The following EIF4G3 variants were observed in gnomAD, a reference collection of about 807,000 sequenced individuals.
EIF4G3 encodes the protein eIF-4-gamma 3.
A neutral mutation model predicts 186.4 loss-of-function variants in EIF4G3; 34 were observed. That is an observed-to-expected ratio of 0.18 (90% CI 0.14 to 0.24). The LOEUF is 0.24. Among genes scored for constraint, EIF4G3 ranks in the 10% least tolerant of loss-of-function variants. The pLI is 1.00. For synonymous variants in EIF4G3, 673 were observed against 679.5 expected (o/e 0.99, Z 0.15); for missense variants, 1,536 against 1,948.5 (o/e 0.79, Z 3.99).
chr1:21,001,799 T>C (rs1050647857), intron 5 of EIF4G3, among the ~76,000 whole-genome samples: 4 of 152,196 alleles, frequency 2.6e-5, no homozygotes, highest in Admixed American at 2.6e-4. Context: ...CTCTCCTAGT[T>C]CTTTAAGTAA....
intron 3 of EIF4G3, among the ~76,000 whole-genome samples, chr1:21,066,361 G>T (rs2095242788): frequency 6.6e-6 from 1 of 150,726 alleles, no homozygotes; most frequent in Admixed American, 6.6e-5. Flanking sequence ...AATGCTTATT[G>T]AACAAAGAAT....
intron 34 of EIF4G3, among the ~76,000 whole-genome samples, chr1:20,814,846 G>A (rs1278684102): frequency 3.5e-5 from 4 of 113,106 alleles, no homozygotes; most frequent in Non-Finnish European, 5.3e-5. Context: ...AAAGCTGGAC[G>A]GTACTGCTGC....
chr1:21,073,264 A>G (rs1355711562), intron 3 of EIF4G3, among the ~76,000 whole-genome samples: 4 of 152,220 alleles, frequency 2.6e-5, no homozygotes, highest in Non-Finnish European at 5.9e-5. Flanking sequence ...ATCTTACAAA[A>G]TTACATGACC....
chr1:20,972,005 C>T lies in EIF4G3; in HGVS notation c.591+997G>A, dbSNP rs114973701. Among the ~76,000 whole-genome samples, 915 of 152,176 alleles carry T rather than the reference C, an allele frequency of 6.0e-3. 3 individuals carry two copies. Among genetic ancestry groups the T allele is most frequent in the Non-Finnish European group, 0.011 (716 of 68,006 alleles). Reference sequence around the variant, plus strand: ...TATAAATCACCCCACCTATCTTACTCGTGTGAATGTGGGAGTCTCTCTTGA... The same window carrying T: ...TATAAATCACCCCACCTATCTTACTTGTGTGAATGTGGGAGTCTCTCTTGA... On this transcript the variant is annotated intron_variant, in intron 11 of 36. Coordinates refer to ENST00000602326, the MANE Select transcript of EIF4G3 (RefSeq NM_001391906.1).
chr1:20,813,386 G>C, intron 34 of EIF4G3, 147 bp from the exon 35 acceptor site: 93 of 140,984 alleles, frequency 6.6e-4, no homozygotes, highest in East Asian at 3.8e-3. Context: ...AATATAGTAA[G>C]ACCCTATCTC....
chr1:20,924,862 G>A (rs1016850375), intron 14 of EIF4G3, among the ~76,000 whole-genome samples: 1 of 152,110 alleles, frequency 6.6e-6, no homozygotes, highest in Non-Finnish European at 1.5e-5. Flanking sequence ...TCACCCACCC[G>A]AAAATTATTA....
At chr1:20,862,588 T>A (rs954766172) in intron 22 of EIF4G3, among the ~76,000 whole-genome samples, 1 of 152,032 alleles carries the variant, frequency 6.6e-6, no homozygotes, top group African/African-American at 2.4e-5. Flanking sequence ...AATCTTTTAA[T>A]TTTTTGTAGA....
Position 21,084,525 on chromosome 1 carries a change from C to T in EIF4G3, c.-196+4613G>A, listed in dbSNP as rs553116290. The stretch of plus-strand genomic sequence containing the variant: ...CCCTGACTTGTTGGGGATTACAATT[C>T]GACATGAGATTTAAGTAAGGACACA... On this transcript the variant is annotated intron_variant, in intron 3 of 36. Coordinates refer to ENST00000602326, the MANE Select transcript of EIF4G3 (RefSeq NM_001391906.1). Among the ~76,000 whole-genome samples the T allele has an allele frequency of 1.2e-4, 19 of 152,224 alleles. No individual in the cohort carries two copies. In the South Asian group the frequency reaches 3.9e-3, roughly 32 times the overall value.
rs370278674 is a variant in EIF4G3, at chr1:20,876,460, AC to A, written c.2622+2862del. On this transcript the variant is annotated intron_variant, in intron 20 of 36. Coordinates refer to ENST00000602326, the MANE Select transcript of EIF4G3 (RefSeq NM_001391906.1). ...TTATTAAGTAAAAAAAAAAAAAAAA[AC>A]AAACTGAAAATAATTTATATAATTC... 1.4e-3 allele frequency among the ~76,000 whole-genome samples: 216 copies of A among 149,166 alleles called. 6 individuals are homozygous for A. The highest frequency in any genetic ancestry group is 0.012 in the South Asian group (58 of 4,776).
intron 14 of EIF4G3, among the ~76,000 whole-genome samples, chr1:20,935,237 T>C (rs2095481830): frequency 6.6e-6 from 1 of 152,184 alleles, no homozygotes; most frequent in Admixed American, 6.5e-5. Flanking sequence ...TGATTTACCA[T>C]TCTGAGGCTT....
chr1:21,085,769 C>A (rs965459952), intron 3 of EIF4G3, among the ~76,000 whole-genome samples: 1 of 152,118 alleles, frequency 6.6e-6, no homozygotes, highest in Non-Finnish European at 1.5e-5. Flanking sequence ...TCTTGGCTCA[C>A]TGCAACCTCT....
chr1:20,991,210 G>A (rs1375675008), intron 7 of EIF4G3, among the ~76,000 whole-genome samples: 1 of 152,114 alleles, frequency 6.6e-6, no homozygotes, highest in African/African-American at 2.4e-5. Flanking sequence ...TCGGGATATG[G>A]AAGCCCTAGA....
intron 17 of EIF4G3, 58 bp downstream of exon 17, chr1:20,895,310 T>C: frequency 6.4e-7 from 1 of 1,560,362 alleles, no homozygotes; most frequent in Non-Finnish European, 8.7e-7. Flanking sequence ...TATTTGCTCT[T>C]ATAGTTAAAA....
chr1:20,818,130 C>A (rs1264785020), intron 33 of EIF4G3, among the ~76,000 whole-genome samples: 1 of 152,052 alleles, frequency 6.6e-6, no homozygotes, highest in Non-Finnish European at 1.5e-5. Flanking sequence ...TCAATCTTCC[C>A]CTTAGCTGCA....
chr1:20,923,823 A>G (rs968880866), intron 14 of EIF4G3, among the ~76,000 whole-genome samples: 1 of 150,598 alleles, frequency 6.6e-6, no homozygotes, highest in African/African-American at 2.4e-5. Context: ...ATATATATAT[A>G]TATATATATA....
chr1:20,994,347 T>C (rs1482379958), intron 7 of EIF4G3, among the ~76,000 whole-genome samples: 1 of 152,188 alleles, frequency 6.6e-6, no homozygotes, highest in Non-Finnish European at 1.5e-5. Context: ...TCCAACCCCA[T>C]GTCTTTCTTC....
chr1:21,025,402 A>G (rs1325804418), intron 4 of EIF4G3, among the ~76,000 whole-genome samples: 2 of 152,204 alleles, frequency 1.3e-5, no homozygotes, highest in Non-Finnish European at 2.9e-5. Context: ...CCGACAGCCC[A>G]GGTACATAGT....
chr1:21,068,555 T>C (rs1187216839), intron 3 of EIF4G3, among the ~76,000 whole-genome samples: 3 of 152,042 alleles, frequency 2.0e-5, no homozygotes, highest in Admixed American at 6.6e-5. Flanking sequence ...TGGGACACTG[T>C]AGTCACTCAA....
intron 5 of EIF4G3, among the ~76,000 whole-genome samples, chr1:21,001,661 C>T (rs2083531090): frequency 6.6e-6 from 1 of 152,164 alleles, no homozygotes; most frequent in South Asian, 2.1e-4. Flanking sequence ...AGTCCCACCT[C>T]TTTAGAATGG....
Sources: allele counts gnomAD v4.1 joint callset (sites outside exome capture counted in the v4.1 genomes callset), GRCh38; gene constraint gnomAD v4.1.1; transcripts MANE v1.5; gene names NCBI Gene and HGNC (gene_info 2026-07-23, HGNC 2026-07-21).